The following TOX variants were observed in gnomAD, a reference collection of about 807,000 sequenced individuals.
The protein encoded by TOX is thymocyte selection-associated high mobility group box protein TOX.
Under a neutral mutation model 53.7 loss-of-function variants are expected in TOX, and 11 were observed. That is an observed-to-expected ratio of 0.20 (90% CI 0.13 to 0.34). The LOEUF is 0.34. Ranked by LOEUF, TOX falls within the 10% of genes least tolerant of loss-of-function variation. The pLI is 1.00. For missense variants in TOX, 570 were observed against 664.6 expected, an observed-to-expected ratio of 0.86 and a Z score of 1.56; for synonymous variants, 225 against 245.3, an observed-to-expected ratio of 0.92 and a Z score of 0.77.
intron 1 of TOX, among the ~76,000 whole-genome samples, chr8:59,099,497 C>T (rs918038063): frequency 6.6e-6 from 1 of 152,006 alleles, no homozygotes; most frequent in Non-Finnish European, 1.5e-5. Context: ...TATACTGATA[C>T]ATTTAAGCAC....
At chr8:59,037,043 C>CT (rs1400916737) in intron 1 of TOX, among the ~76,000 whole-genome samples, 1 of 151,982 alleles carries the variant, frequency 6.6e-6, no homozygotes, top group Non-Finnish European at 1.5e-5. Flanking sequence ...ACTACATGGG[C>CT]TTTTTTGGGA....
chr8:58,907,302 A>C (rs1027134113), intron 3 of TOX, among the ~76,000 whole-genome samples: 1 of 152,096 alleles, frequency 6.6e-6, no homozygotes, highest in African/African-American at 2.4e-5. Flanking sequence ...ATTTGTACTG[A>C]GATGTTTATG....
At chr8:58,834,955 C>A (rs1418467851) in intron 5 of TOX, among the ~76,000 whole-genome samples, 1 of 152,086 alleles carries the variant, frequency 6.6e-6, no homozygotes, top group South Asian at 2.1e-4. Context: ...TTTAGAGTGA[C>A]CAAAACTGTT....
intron 3 of TOX, among the ~76,000 whole-genome samples, chr8:58,898,849 T>G (rs1811690913): frequency 6.6e-6 from 1 of 152,210 alleles, no homozygotes; most frequent in Admixed American, 6.5e-5. Flanking sequence ...CGTTGCAAAT[T>G]GACTATTTCT....
At chr8:59,096,282 G>A (rs933568460) in intron 1 of TOX, among the ~76,000 whole-genome samples, 11 of 152,148 alleles carry the variant, frequency 7.2e-5, no homozygotes, top group Admixed American at 7.2e-4. Flanking sequence ...GCCATTTGAG[G>A]AGCTTTTGCT....
intron 1 of TOX, among the ~76,000 whole-genome samples, chr8:59,000,615 G>T (rs1033650065): frequency 2.6e-5 from 4 of 152,178 alleles, no homozygotes; most frequent in South Asian, 2.1e-4. Context: ...TAATTAACTT[G>T]ACTCAAATCA....
intron 6 of TOX, among the ~76,000 whole-genome samples, chr8:58,822,774 T>C (rs1409232168): frequency 6.6e-6 from 1 of 152,186 alleles, no homozygotes; most frequent in African/African-American, 2.4e-5. Flanking sequence ...AGGTGCCAGT[T>C]TGAAAGATTA....
At chr8:59,014,742 T>C (rs533932246) in intron 1 of TOX, among the ~76,000 whole-genome samples, 60 of 152,342 alleles carry the variant, frequency 3.9e-4, no homozygotes, top group African/African-American at 1.3e-3. Flanking sequence ...TTATTATTCA[T>C]TGGGCACTCC....
intron 6 of TOX, among the ~76,000 whole-genome samples, chr8:58,822,247 A>G (rs141127997): frequency 1.7e-3 from 253 of 152,344 alleles, no homozygotes; most frequent in African/African-American, 5.8e-3. Context: ...TCTAATGCCA[A>G]TGTGGACTTA....
At chr8:58,893,951 G>C (rs990613461) in intron 3 of TOX, among the ~76,000 whole-genome samples, 5 of 152,176 alleles carry the variant, frequency 3.3e-5, no homozygotes, top group African/African-American at 1.2e-4. Flanking sequence ...TTCCATCTAT[G>C]AACTAGATGT....
At position 59,117,717 on chromosome 8, in the gene TOX, G is replaced by C. The variant is rs1462093759; in HGVS notation, c.102+1169C>G. Among the ~76,000 whole-genome samples the C allele has an allele frequency of 2.6e-5, 4 of 152,228 alleles. No individual in the cohort carries two copies. The highest frequency in any genetic ancestry group is 9.6e-5 in the African/African-American group (4 of 41,466). The stretch of plus-strand genomic sequence containing the variant: ...GGGAGTCCCAACGATTTTTCCCGTG[G>C]AATGCACCGAGGGTCGCCATGGATG... On this transcript the variant is annotated intron_variant, in intron 1 of 8. Coordinates refer to ENST00000361421, the MANE Select transcript of TOX (RefSeq NM_014729.3). This position sits in a 1 kb window ranked among gnomAD's most constrained non-coding sequence, Gnocchi z 4.6.
rs907886864 is a variant in TOX, at chr8:58,877,416, G to C, written c.412-25611C>G. 2.0e-5 allele frequency among the ~76,000 whole-genome samples: 3 copies of C among 152,214 alleles called. No individual in the cohort carries two copies. The East Asian group carries it at 5.8e-4, about 29-fold the overall frequency. ...TAGTTATAGTAGCACCAGAGGGAAT[G>C]TGTGGTCCCGCACAAAATTGTGCTT... On this transcript the variant is annotated intron_variant, in intron 3 of 8. Transcript: ENST00000361421.
intron 7 of TOX, among the ~76,000 whole-genome samples, chr8:58,813,802 G>A (rs981408691): frequency 6.6e-6 from 1 of 152,146 alleles, no homozygotes; most frequent in Non-Finnish European, 1.5e-5. Flanking sequence ...TCTTCATAAC[G>A]ACTTTGATTT....
At chr8:58,976,210 C>T (rs1813097450) in intron 1 of TOX, among the ~76,000 whole-genome samples, 1 of 152,236 alleles carries the variant, frequency 6.6e-6, no homozygotes, top group Non-Finnish European at 1.5e-5. Flanking sequence ...TCAAATCCTA[C>T]TGCTGCTCTA....
chr8:59,009,576 T>C (rs1813860842), intron 1 of TOX, among the ~76,000 whole-genome samples: 1 of 152,120 alleles, frequency 6.6e-6, no homozygotes, highest in Non-Finnish European at 1.5e-5. Flanking sequence ...TTTTACCATG[T>C]TGGCCAGGCT....
At chr8:58,843,394 G>A (rs1379837681) in intron 4 of TOX, among the ~76,000 whole-genome samples, 1 of 152,134 alleles carries the variant, frequency 6.6e-6, no homozygotes, top group Non-Finnish European at 1.5e-5. Context: ...TGCCCTTGTA[G>A]AACTGAACTA....
intron 1 of TOX, among the ~76,000 whole-genome samples, chr8:58,998,344 C>A (rs982552507): frequency 8.0e-5 from 12 of 150,354 alleles, no homozygotes; most frequent in Non-Finnish European, 1.6e-4. Flanking sequence ...TGAAAATTAG[C>A]CAGGTTCGGT....
chr8:58,982,540 G>A (rs1813225200), intron 1 of TOX, among the ~76,000 whole-genome samples: 1 of 152,114 alleles, frequency 6.6e-6, no homozygotes, highest in African/African-American at 2.4e-5. Flanking sequence ...ACACTCCTTA[G>A]TCACTGAAGC....
rs1183360284 is a variant in TOX, at chr8:58,968,717, A to G, written c.103-8709T>C. Among the ~76,000 whole-genome samples the G allele has an allele frequency of 3.3e-5, 5 of 152,348 alleles. No homozygotes were observed. In the East Asian group the frequency reaches 7.7e-4, roughly 23 times the overall value. On this transcript the variant is annotated intron_variant, in intron 1 of 8. Coordinates refer to ENST00000361421, the MANE Select transcript of TOX (RefSeq NM_014729.3). ...TTTTCAGTATCTGATAGATGCATAG[A>G]GAAAAAAGTAAGAATATTTTTCTAC...
Sources: allele counts gnomAD v4.1 joint callset (sites outside exome capture counted in the v4.1 genomes callset), GRCh38; gene constraint gnomAD v4.1.1; non-coding constraint Gnocchi (gnomAD v3.1); transcripts MANE v1.5; gene names NCBI Gene and HGNC (gene_info 2026-07-23, HGNC 2026-07-21).